Variants in MAP3K20 observed in about 807,000 individuals in gnomAD.
MAP3K20 encodes HCCS-4.
Under a neutral mutation model 85.7 loss-of-function variants are expected in MAP3K20, and 40 were observed. The ratio of observed to expected loss-of-function variants is 0.47; its 90% CI spans 0.36 to 0.61. The LOEUF is 0.61. Among genes scored for constraint, MAP3K20 ranks in the 20% least tolerant of loss-of-function variants. MAP3K20 has a pLI of 0.00. For missense variants in MAP3K20, 817 were observed against 961.7 expected, an observed-to-expected ratio of 0.85 and a Z score of 1.99; for synonymous variants, 325 against 327.7, an observed-to-expected ratio of 0.99 and a Z score of 0.09.
chr2:173,249,275 A>C (rs963844314), intron 16 of MAP3K20, among the ~76,000 whole-genome samples: 3 of 152,368 alleles, frequency 2.0e-5, no homozygotes, highest in South Asian at 2.1e-4. Context: ...CTGCAGCTAG[A>C]GACCTCAGTA....
intron 1 of MAP3K20, among the ~76,000 whole-genome samples, chr2:173,077,335 T>C (rs1286512377): frequency 7.0e-6 from 1 of 143,820 alleles, no homozygotes; most frequent in African/African-American, 2.6e-5. Context: ...CTCTTTGTAG[T>C]AGGCCTATCT....
chr2:173,111,177 C>T (rs1015838805), intron 2 of MAP3K20, among the ~76,000 whole-genome samples: 6 of 152,082 alleles, frequency 3.9e-5, no homozygotes, highest in African/African-American at 1.2e-4. Flanking sequence ...TTTCCCTGAT[C>T]ATTAGTGATG....
At chr2:173,140,746 G>A (rs1688947148) in intron 2 of MAP3K20, among the ~76,000 whole-genome samples, 2 of 152,160 alleles carry the variant, frequency 1.3e-5, no homozygotes, top group South Asian at 4.1e-4. Flanking sequence ...GGAACCTTGT[G>A]ATGAAATTTT....
At chr2:173,129,119 A>G (rs1214192253) in intron 2 of MAP3K20, among the ~76,000 whole-genome samples, 1 of 151,710 alleles carries the variant, frequency 6.6e-6, no homozygotes, top group African/African-American at 2.4e-5. Flanking sequence ...AGTAGAGACA[A>G]GGTTTCACCA....
At chr2:173,083,684 T>G (rs1180356966) in intron 1 of MAP3K20, among the ~76,000 whole-genome samples, 1 of 152,188 alleles carries the variant, frequency 6.6e-6, no homozygotes, top group East Asian at 1.9e-4. Flanking sequence ...TGCAGAACAG[T>G]GATTCCAAGT....
intron 9 of MAP3K20, among the ~76,000 whole-genome samples, chr2:173,204,776 T>C (rs1002804627): frequency 3.3e-5 from 5 of 152,194 alleles, no homozygotes; most frequent in African/African-American, 1.2e-4. Context: ...ATCTCTACTT[T>C]TGTATATTTT....
At position 173,175,425 on chromosome 2, in the gene MAP3K20, A is replaced by G. The variant is rs1309437215; in HGVS notation, c.247+5533A>G. On this transcript the variant is annotated intron_variant, in intron 3 of 19. Coordinates refer to ENST00000375213, the MANE Select transcript of MAP3K20 (RefSeq NM_016653.3). ...TTGCCGCTTGTCTGTAAACTGGCCTACTTGTCCTTATGAATAATGAGGGCT... is the reference window on the plus strand; with the variant it reads ...TTGCCGCTTGTCTGTAAACTGGCCTGCTTGTCCTTATGAATAATGAGGGCT... Among the ~76,000 whole-genome samples the G allele has an allele frequency of 3.3e-5, 5 of 152,156 alleles. No individual in the cohort carries two copies. The East Asian group carries it at 7.7e-4, about 23-fold the overall frequency.
intron 3 of MAP3K20, among the ~76,000 whole-genome samples, chr2:173,179,909 T>A (rs1690276551): frequency 6.6e-6 from 1 of 152,158 alleles, no homozygotes; most frequent in Admixed American, 6.5e-5. Context: ...GGGTATAAAT[T>A]TAACAAAATA....
intron 2 of MAP3K20, among the ~76,000 whole-genome samples, chr2:173,139,067 A>G (rs183869450): frequency 2.1e-4 from 32 of 152,344 alleles, no homozygotes; most frequent in African/African-American, 7.5e-4. Flanking sequence ...CTCAAATGAT[A>G]GTATATAATA....
At chr2:173,243,753 G>A (rs781698200) in intron 16 of MAP3K20, among the ~76,000 whole-genome samples, 3 of 152,128 alleles carry the variant, frequency 2.0e-5, no homozygotes, top group Admixed American at 2.0e-4. Context: ...GAATAGCTGG[G>A]ACTACAACTA....
At chr2:173,161,433 C>T (rs1221853832) in intron 2 of MAP3K20, among the ~76,000 whole-genome samples, 4 of 152,174 alleles carry the variant, frequency 2.6e-5, no homozygotes, top group African/African-American at 4.8e-5. Context: ...TCTCACTGTA[C>T]GGTTCAGGGT....
intron 2 of MAP3K20, among the ~76,000 whole-genome samples, chr2:173,091,682 C>T (rs533535018): frequency 5.9e-5 from 9 of 152,278 alleles, no homozygotes; most frequent in African/African-American, 1.9e-4. Flanking sequence ...CTACTTAAGG[C>T]TAACAGTGAT....
intron 18 of MAP3K20, among the ~76,000 whole-genome samples, chr2:173,262,681 C>T (rs1016981342): frequency 6.6e-6 from 1 of 152,152 alleles, no homozygotes; most frequent in African/African-American, 2.4e-5. Context: ...AAAAGTTTTA[C>T]AGCAGTTATT....
chr2:173,114,860 G>C (rs900877100), intron 2 of MAP3K20, among the ~76,000 whole-genome samples: 27 of 152,110 alleles, frequency 1.8e-4, no homozygotes, highest in African/African-American at 6.5e-4. Context: ...TCTTAACTTT[G>C]GATAACCTGA....
rs977294184 is a variant in MAP3K20 at position 173,224,733 on chromosome 2, T to C, written c.988-4956T>C. The C allele has an allele frequency of 4.1e-6, 4 of 985,352 alleles. No homozygotes were observed. The African/African-American group carries it at 7.0e-5, about 17-fold the overall frequency. 61.0% of individuals were successfully genotyped at this position (985,352 alleles called of 1,614,324 possible). The stretch of plus-strand genomic sequence containing the variant: ...ATGTCCTTCTAGTGGTTTGAAAATG[T>C]TAAAACATCCCTAAAATCTAAATCA... On this transcript the variant is annotated intron_variant, in intron 11 of 19. Coordinates refer to ENST00000375213, the MANE Select transcript of MAP3K20 (RefSeq NM_016653.3).
chr2:173,222,164 C>G, intron 11 of MAP3K20: 7 of 951,614 alleles, frequency 7.4e-6, no homozygotes, highest in Non-Finnish European at 8.8e-6. Flanking sequence ...CATGATGGCA[C>G]CACTGCACTC....
chr2:173,239,716 G>A (rs1191178733), intron 16 of MAP3K20, among the ~76,000 whole-genome samples: 2 of 152,184 alleles, frequency 1.3e-5, no homozygotes, highest in Non-Finnish European at 2.9e-5. Flanking sequence ...GCCCATGTGA[G>A]GCCACCCAAA....
At chr2:173,127,291 A>T (rs1688471926) in intron 2 of MAP3K20, among the ~76,000 whole-genome samples, 1 of 152,222 alleles carries the variant, frequency 6.6e-6, no homozygotes, top group African/African-American at 2.4e-5. Flanking sequence ...AAATAATGTA[A>T]TTAAGGATTT....
chr2:173,108,776 A>G (rs1166677517), intron 2 of MAP3K20, among the ~76,000 whole-genome samples: 1 of 152,218 alleles, frequency 6.6e-6, no homozygotes, highest in African/African-American at 2.4e-5. Flanking sequence ...TGTAAGCAAA[A>G]ATTGGAAAAG....
Sources: allele counts gnomAD v4.1 joint callset (sites outside exome capture counted in the v4.1 genomes callset), GRCh38; gene constraint gnomAD v4.1.1; transcripts MANE v1.5; gene names NCBI Gene and HGNC (gene_info 2026-07-23, HGNC 2026-07-21).